The following ARHGAP31 variants were observed in gnomAD, a reference collection of about 807,000 sequenced individuals.
ARHGAP31 encodes the protein rho GTPase-activating protein 31.
A neutral mutation model predicts 113.9 loss-of-function variants in ARHGAP31; 34 were observed. That is an observed-to-expected ratio of 0.30 (90% CI 0.23 to 0.40). The LOEUF (loss-of-function observed/expected upper bound fraction) is 0.40. ARHGAP31 is among the 10% of genes least tolerant of loss of function. ARHGAP31 has a pLI of 1.00. For synonymous variants in ARHGAP31, 650 were observed against 684.8 expected (o/e 0.95, Z 0.79); for missense variants, 1,548 against 1,767.1 (o/e 0.88, Z 2.22).
At chr3:119,328,702 G>A (rs887346714) in intron 1 of ARHGAP31, among the ~76,000 whole-genome samples, 16 of 151,644 alleles carry the variant, frequency 1.1e-4, no homozygotes, top group African/African-American at 3.9e-4. Flanking sequence ...GTGCAATGGC[G>A]CGATCTTGGC....
chr3:119,411,855 G>T (rs1443870477), intron 11 of ARHGAP31, among the ~76,000 whole-genome samples: 2 of 152,102 alleles, frequency 1.3e-5, no homozygotes, highest in Non-Finnish European at 2.9e-5. Flanking sequence ...GCACCTTTTG[G>T]CCTTGTTGAA....
chr3:119,335,072 T>C (rs943791644), intron 1 of ARHGAP31, among the ~76,000 whole-genome samples: 12 of 144,900 alleles, frequency 8.3e-5, no homozygotes, highest in Non-Finnish European at 1.7e-4. Flanking sequence ...TGAAATTCAT[T>C]TTCCCATGGG....
intron 9 of ARHGAP31, among the ~76,000 whole-genome samples, chr3:119,400,388 C>T (rs1388349238): frequency 2.0e-5 from 3 of 152,038 alleles, no homozygotes; most frequent in Non-Finnish European, 4.4e-5. Context: ...GCACGAGAAT[C>T]GTTTGAACCC....
intron 2 of ARHGAP31, among the ~76,000 whole-genome samples, chr3:119,366,646 A>G (rs1039124135): frequency 1.3e-5 from 2 of 152,166 alleles, no homozygotes; most frequent in Non-Finnish European, 1.5e-5. Context: ...AGTAGTAATG[A>G]ATTATTTTTT....
intron 11 of ARHGAP31, among the ~76,000 whole-genome samples, chr3:119,413,316 CAAAAAAA>C (rs369363243): frequency 2.2e-5 from 2 of 91,474 alleles, no homozygotes; most frequent in Non-Finnish European, 4.7e-5. Flanking sequence ...GACTCTGTCT[CAAAAAAA>C]AAAAAAAAAA....
At chr3:119,389,168 C>CA (rs914734732) in intron 6 of ARHGAP31, among the ~76,000 whole-genome samples, 3 of 151,588 alleles carry the variant, frequency 2.0e-5, no homozygotes, top group African/African-American at 7.3e-5. Context: ...TTAAAAAAAA[C>CA]AAAAAAACAA....
intron 1 of ARHGAP31, among the ~76,000 whole-genome samples, chr3:119,362,451 A>G (rs1266141340): frequency 6.6e-6 from 1 of 152,168 alleles, no homozygotes; most frequent in African/African-American, 2.4e-5. Flanking sequence ...TGTGCTAAAG[A>G]AAGACACAAC....
chr3:119,391,868 G>A (rs2080507940), intron 7 of ARHGAP31, among the ~76,000 whole-genome samples: 1 of 152,044 alleles, frequency 6.6e-6, no homozygotes, highest in African/African-American at 2.4e-5. Flanking sequence ...TCTGTGTGCT[G>A]GAAAATATAT....
intron 1 of ARHGAP31, among the ~76,000 whole-genome samples, chr3:119,349,476 G>A (rs1484793173): frequency 3.3e-5 from 5 of 152,180 alleles, no homozygotes. Context: ...CATCCTGGAC[G>A]GAGAATGCAA....
At chr3:119,354,347 A>G (rs2080137235) in intron 1 of ARHGAP31, among the ~76,000 whole-genome samples, 1 of 152,232 alleles carries the variant, frequency 6.6e-6, no homozygotes, top group African/African-American at 2.4e-5. Flanking sequence ...TTTTAAAAAA[A>G]ATGCTTTTAC....
chr3:119,367,716 G>A (rs1157408782), intron 2 of ARHGAP31, among the ~76,000 whole-genome samples: 1 of 151,998 alleles, frequency 6.6e-6, no homozygotes, highest in South Asian at 2.1e-4. Flanking sequence ...AAATTAGCCG[G>A]GTATGGTGGC....
At chr3:119,352,355 A>G (rs1218542834) in intron 1 of ARHGAP31, among the ~76,000 whole-genome samples, 1 of 152,082 alleles carries the variant, frequency 6.6e-6, no homozygotes, top group Non-Finnish European at 1.5e-5. Flanking sequence ...AGCTCTCCCC[A>G]CTGGCTCATT....
intron 8 of ARHGAP31, among the ~76,000 whole-genome samples, chr3:119,398,237 C>T (rs1183865840): frequency 6.6e-6 from 1 of 152,054 alleles, no homozygotes; most frequent in Non-Finnish European, 1.5e-5. Context: ...TACCACACTC[C>T]AGCCTGGGCA....
chr3:119,351,198 A>G (rs2080107278), intron 1 of ARHGAP31, among the ~76,000 whole-genome samples: 1 of 152,094 alleles, frequency 6.6e-6, no homozygotes. Context: ...GAGGAAAGTT[A>G]CTCTCCTAAA....
At chr3:119,345,773 C>T (rs1287617060) in intron 1 of ARHGAP31, among the ~76,000 whole-genome samples, 1 of 152,184 alleles carries the variant, frequency 6.6e-6, no homozygotes, top group African/African-American at 2.4e-5. Flanking sequence ...CTCTGTCCCT[C>T]TTCCCAGGTG....
chr3:119,369,875 C>T (rs1389676368), intron 3 of ARHGAP31, among the ~76,000 whole-genome samples: 1 of 151,238 alleles, frequency 6.6e-6, no homozygotes, highest in Non-Finnish European at 1.5e-5. Flanking sequence ...AACAACAAAA[C>T]CATCTTCTGG....
chr3:119,327,133 T>C (rs2079852087), intron 1 of ARHGAP31, among the ~76,000 whole-genome samples: 1 of 147,924 alleles, frequency 6.8e-6, no homozygotes, highest in Non-Finnish European at 1.5e-5. Context: ...GAGCCAGACC[T>C]TGTCTCAAAA....
At chr3:119,345,569 G>A (rs1358031211) in intron 1 of ARHGAP31, among the ~76,000 whole-genome samples, 1 of 152,158 alleles carries the variant, frequency 6.6e-6, no homozygotes, top group Admixed American at 6.5e-5. Flanking sequence ...AGCTCCTGGG[G>A]ATGGGGCCTC....
At chr3:119,349,681 C>T (rs1371367349) in intron 1 of ARHGAP31, among the ~76,000 whole-genome samples, 1 of 152,218 alleles carries the variant, frequency 6.6e-6, no homozygotes. Flanking sequence ...TAACAATGGG[C>T]TGTCCCTCCT....
Sources: allele counts gnomAD v4.1 joint callset (sites outside exome capture counted in the v4.1 genomes callset), GRCh38; gene constraint gnomAD v4.1.1; transcripts MANE v1.5; gene names NCBI Gene and HGNC (gene_info 2026-07-23, HGNC 2026-07-21).